Variants in TPST2 observed in about 807,000 individuals in gnomAD.
TPST2 encodes protein-tyrosine sulfotransferase 2.
A neutral mutation model predicts 27.8 loss-of-function variants in TPST2; 16 were observed. That is an observed-to-expected ratio of 0.58 (90% CI 0.39 to 0.88). The LOEUF is 0.88. TPST2 is among the 40% of genes least tolerant of loss of function. TPST2 has a pLI of 0.00. For synonymous variants in TPST2, 229 were observed against 231.7 expected (o/e 0.99, Z 0.10); for missense variants, 464 against 543.1 (o/e 0.85, Z 1.45).
At chr22:26,586,788 C>T (rs1185452458) in intron 1 of TPST2, among the ~76,000 whole-genome samples, 1 of 152,180 alleles carries the variant, frequency 6.6e-6, no homozygotes, top group Admixed American at 6.5e-5. Context: ...GGGTGAACTA[C>T]CTACCTTCTC....
chr22:26,566,847 A>G (rs535467036), intron 1 of TPST2, among the ~76,000 whole-genome samples: 2 of 152,180 alleles, frequency 1.3e-5, no homozygotes, highest in East Asian at 3.9e-4. Flanking sequence ...CCCCGCTCAT[A>G]TCGTATTGTA....
Position 26,575,963 on chromosome 22 carries a change from T to C in TPST2, c.-161+14090A>G, listed in dbSNP as rs1287261076. Reference sequence around the variant, plus strand: ...GTGAGCCGAGATCGTGCCACCGCACTCCAGCCTGGGTGACAGAGCGAGACT... The same window carrying C: ...GTGAGCCGAGATCGTGCCACCGCACCCCAGCCTGGGTGACAGAGCGAGACT... On this transcript the variant is annotated intron_variant, in intron 1 of 6. Transcript: ENST00000338754. Among the ~76,000 whole-genome samples, 7 of 151,864 alleles carry C rather than the reference T, an allele frequency of 4.6e-5. 1 individual carries two copies. In the South Asian group the frequency reaches 6.3e-4, roughly 14 times the overall value.
rs142721678 is a variant in TPST2, at chr22:26,538,532, A to C, written c.843-2046T>G. On this transcript the variant is annotated intron_variant, in intron 3 of 6. Coordinates refer to ENST00000338754, the MANE Select transcript of TPST2 (RefSeq NM_003595.5). Reference sequence around the variant, plus strand: ...GCCTGTCGCACAGCTATTCAAAATGATGCTGCAGGTCAGGCGCGGTGGCTC... The same window carrying C: ...GCCTGTCGCACAGCTATTCAAAATGCTGCTGCAGGTCAGGCGCGGTGGCTC... 3.2e-4 allele frequency among the ~76,000 whole-genome samples: 48 copies of C among 152,366 alleles called. 1 individual carries two copies. The highest frequency in any genetic ancestry group is 1.1e-3 in the African/African-American group (44 of 41,590).
At chr22:26,589,114 G>T (rs1928453288) in intron 1 of TPST2, among the ~76,000 whole-genome samples, 1 of 152,150 alleles carries the variant, frequency 6.6e-6, no homozygotes, top group South Asian at 2.1e-4. Context: ...AGGCCTGTGA[G>T]TGAGTTTCAG....
At chr22:26,549,666 A>G (rs1926347110) in intron 1 of TPST2, among the ~76,000 whole-genome samples, 1 of 149,350 alleles carries the variant, frequency 6.7e-6, no homozygotes. Flanking sequence ...CAAAAAAAAA[A>G]AAAAAAAAAG....
intron 1 of TPST2, among the ~76,000 whole-genome samples, chr22:26,548,464 A>G (rs1040014225): frequency 6.6e-6 from 1 of 151,842 alleles, no homozygotes; most frequent in African/African-American, 2.4e-5. Flanking sequence ...TAAGGAAAGG[A>G]GAAAGAAAAG....
At position 26,540,757 on chromosome 22, in the gene TPST2, G is replaced by A. The variant is rs59262119; in HGVS notation, c.842+32C>T. 4,946 of 1,533,080 alleles carry A rather than the reference G, an allele frequency of 3.2e-3. 187 individuals are homozygous for A. The East Asian group carries it at 0.087, about 27-fold the overall frequency. The allele number at this position is 1,533,080 out of a possible 1,614,324, so 95.0% of individuals were successfully genotyped here. A position where few individuals can be genotyped will look rare whatever the true frequency, so the allele number is the denominator to read the frequency against. ...TGGCGCCTCTGACTCCAGGGCCAGA[G>A]TCTGAGTGGAAGCATCAGGGGCTCC... is the stretch of plus-strand genomic sequence containing the variant. On this transcript the variant is annotated intron_variant, in intron 3 of 6. Coordinates refer to ENST00000338754, the MANE Select transcript of TPST2 (RefSeq NM_003595.5).
chr22:26,551,877 CTTTT>C (rs1232725988), intron 1 of TPST2, among the ~76,000 whole-genome samples: 1 of 110,454 alleles, frequency 9.1e-6, no homozygotes, highest in Non-Finnish European at 1.9e-5. Flanking sequence ...CTTTTCTTTT[CTTTT>C]TCTTTTTTTT....
chr22:26,549,203 A>G (rs978958015), intron 1 of TPST2, among the ~76,000 whole-genome samples: 16 of 152,178 alleles, frequency 1.1e-4, no homozygotes, highest in Non-Finnish European at 2.2e-4. Context: ...AAATCCTTGT[A>G]TGGTGGAGAT....
At chr22:26,577,595 C>T (rs978311272) in intron 1 of TPST2, among the ~76,000 whole-genome samples, 35 of 151,498 alleles carry the variant, frequency 2.3e-4, no homozygotes, top group Non-Finnish European at 3.8e-4. Context: ...GTAATCTGCC[C>T]GCCTTGGCCT....
intron 1 of TPST2, among the ~76,000 whole-genome samples, chr22:26,573,265 A>C (rs1438145392): frequency 2.0e-5 from 3 of 152,164 alleles, no homozygotes; most frequent in Admixed American, 1.3e-4. Flanking sequence ...TCCTGGGCTA[A>C]AGTGATCCAC....
intron 1 of TPST2, among the ~76,000 whole-genome samples, chr22:26,581,982 C>T (rs1423251372): frequency 1.3e-5 from 2 of 152,146 alleles, no homozygotes; most frequent in African/African-American, 2.4e-5. Flanking sequence ...ATACAGGTAG[C>T]GGGCCGGATG....
intron 1 of TPST2, among the ~76,000 whole-genome samples, chr22:26,569,037 G>A (rs935690063): frequency 2.0e-5 from 3 of 151,770 alleles, no homozygotes; most frequent in South Asian, 2.1e-4. Context: ...CTAATTTTTC[G>A]TATTTTCAGT....
intron 5 of TPST2, among the ~76,000 whole-genome samples, chr22:26,529,095 G>A (rs1272824228): frequency 1.3e-5 from 2 of 152,170 alleles, no homozygotes; most frequent in South Asian, 2.1e-4. Flanking sequence ...AGGGGTCTCA[G>A]AAAGACCAAG....
chr22:26,553,790 A>G (rs1371230826), intron 1 of TPST2, among the ~76,000 whole-genome samples: 1 of 152,176 alleles, frequency 6.6e-6, no homozygotes, highest in Non-Finnish European at 1.5e-5. Flanking sequence ...GTATCCTCCC[A>G]TATACTTTAA....
chr22:26,550,454 G>T, intron 1 of TPST2: 1 of 450,436 alleles, frequency 2.2e-6, no homozygotes, highest in Non-Finnish European at 2.9e-6. Flanking sequence ...CAAATCTATA[G>T]GAACTTTCTA....
At chr22:26,528,320 G>A in intron 5 of TPST2, 58 bp from the exon 6 acceptor site, 2 of 1,539,490 alleles carry the variant, frequency 1.3e-6, no homozygotes, top group Non-Finnish European at 1.8e-6. Flanking sequence ...ATGCCTTGCT[G>A]TATTGAGGGT....
intron 1 of TPST2, among the ~76,000 whole-genome samples, chr22:26,577,580 ACCTTGTAATCTGCCCG>A (rs1227053136): frequency 6.7e-6 from 1 of 149,912 alleles, no homozygotes; most frequent in Non-Finnish European, 1.5e-5. Context: ...CGAACTCCTG[ACCTTGTAATCTGCCCG>A]CCTTGGCCTC....
chr22:26,540,905 C>A lies in TPST2; in HGVS notation c.726G>T (p.Val242=). 1 of 1,614,210 alleles carries A rather than the reference C, an allele frequency of 6.2e-7. No homozygotes were observed. The highest frequency in any genetic ancestry group is 8.5e-7 in the Non-Finnish European group (1 of 1,180,046). ...GCTTGAGTGAGCGCCTGGGGTGCAG[C>A]ACCAGCTGCTCGTAGTACACAGGCA... is the stretch of plus-strand genomic sequence containing the variant. The part of the protein sequence containing the change: ...KCLPVYYEQL[V]LHPRRSLKLI... Residue 242 remains valine (V), a synonymous_variant, in exon 3 of 7, where the codon GTG becomes GTT. Coordinates refer to ENST00000338754, the MANE Select transcript of TPST2 (RefSeq NM_003595.5).
Sources: allele counts gnomAD v4.1 joint callset (sites outside exome capture counted in the v4.1 genomes callset), GRCh38; gene constraint gnomAD v4.1.1; transcripts MANE v1.5; gene names NCBI Gene and HGNC (gene_info 2026-07-23, HGNC 2026-07-21).